The following CDK6 variants were observed in gnomAD, a reference collection of about 807,000 sequenced individuals.
CDK6 encodes cyclin-dependent kinase 6.
CDK6 carries 6 observed loss-of-function variants against 37.1 expected under a neutral mutation model. The observed-to-expected ratio is 0.16, with a 90% CI of 0.09 to 0.32. The LOEUF (loss-of-function observed/expected upper bound fraction) is 0.32. Among genes scored for constraint, CDK6 ranks in the 10% least tolerant of loss-of-function variants. The pLI is 1.00. For missense variants in CDK6, 224 were observed against 418.9 expected (o/e 0.53, Z 4.06); for synonymous variants, 160 against 161.3 (o/e 0.99, Z 0.06).
chr7:92,651,276 T>C, intron 5 of CDK6, among the ~76,000 whole-genome samples: 1 of 152,200 alleles, frequency 6.6e-6, no homozygotes, highest in Admixed American at 6.5e-5. Flanking sequence ...TTCATAACCT[T>C]AATTACATCC....
rs1158011467 is a variant in CDK6, at chr7:92,701,409, CT to C, written c.537+24216del. On this transcript the variant is annotated intron_variant, in intron 4 of 7. Transcript: ENST00000424848. ...GTTTGTGAAGTCTAAAGCTTACACA[CT>C]TTTTTTTTTTTTTGAGACGGAGTCT... Among the ~76,000 whole-genome samples the C allele has an allele frequency of 2.8e-3, 413 of 145,876 alleles. 1 individual carries two copies. The highest frequency in any genetic ancestry group is 7.2e-3 in the Middle Eastern group (2 of 278).
At chr7:92,728,326 C>G (rs750965396) in intron 3 of CDK6, among the ~76,000 whole-genome samples, 1 of 151,932 alleles carries the variant, frequency 6.6e-6, no homozygotes, top group South Asian at 2.1e-4. Flanking sequence ...TTAAAAATTA[C>G]GTATTTTATT....
At chr7:92,695,258 A>G (rs181626732) in intron 4 of CDK6, among the ~76,000 whole-genome samples, 1 of 150,762 alleles carries the variant, frequency 6.6e-6, no homozygotes, top group Non-Finnish European at 1.5e-5. Context: ...TTGGTGATTA[A>G]GGGACCCTGA....
At chr7:92,800,595 C>T (rs1218515440) in intron 2 of CDK6, among the ~76,000 whole-genome samples, 1 of 152,180 alleles carries the variant, frequency 6.6e-6, no homozygotes, top group Non-Finnish European at 1.5e-5. Flanking sequence ...TTAAGGAATA[C>T]ACAATCTGAC....
At chr7:92,801,229 CTT>C (rs1277496055) in intron 2 of CDK6, among the ~76,000 whole-genome samples, 1 of 151,986 alleles carries the variant, frequency 6.6e-6, no homozygotes, top group Non-Finnish European at 1.5e-5. Context: ...TTATTTCACT[CTT>C]TTTATTTTGA....
chr7:92,639,419 T>A (rs1244693889), intron 5 of CDK6, among the ~76,000 whole-genome samples: 6 of 152,188 alleles, frequency 3.9e-5, no homozygotes, highest in African/African-American at 1.4e-4. Flanking sequence ...CTGACAAAAA[T>A]AGTCTCAATT....
At chr7:92,634,304 C>G (rs982199773) in intron 5 of CDK6, among the ~76,000 whole-genome samples, 19 of 152,152 alleles carry the variant, frequency 1.2e-4, no homozygotes, top group African/African-American at 4.3e-4. Flanking sequence ...GTTCTGTCCT[C>G]CCAGATTTGT....
intron 4 of CDK6, among the ~76,000 whole-genome samples, chr7:92,724,688 G>A (rs1206097342): frequency 6.6e-6 from 1 of 152,068 alleles, no homozygotes; most frequent in South Asian, 2.1e-4. Context: ...TCCCTGATGT[G>A]AGAACCACTT....
chr7:92,791,636 T>C (rs1359227523), intron 2 of CDK6, among the ~76,000 whole-genome samples: 1 of 152,034 alleles, frequency 6.6e-6, no homozygotes, highest in Non-Finnish European at 1.5e-5. Context: ...GTATATATAT[T>C]AAGAATTGTA....
At chr7:92,682,956 C>T (rs1797369623) in intron 4 of CDK6, among the ~76,000 whole-genome samples, 1 of 152,186 alleles carries the variant, frequency 6.6e-6, no homozygotes, top group Non-Finnish European at 1.5e-5. Flanking sequence ...AAAATAGTTA[C>T]CACTTATTAA....
At chr7:92,832,336 G>A (rs1421860622) in intron 2 of CDK6, among the ~76,000 whole-genome samples, 1 of 152,100 alleles carries the variant, frequency 6.6e-6, no homozygotes, top group Non-Finnish European at 1.5e-5. Context: ...GAAAAGCATG[G>A]GCAGAACATT....
chr7:92,757,636 G>C (rs1234332165), intron 3 of CDK6, among the ~76,000 whole-genome samples: 1 of 152,118 alleles, frequency 6.6e-6, no homozygotes, highest in South Asian at 2.1e-4. Flanking sequence ...TGTCTTTATG[G>C]TAGAATGATT....
intron 6 of CDK6, among the ~76,000 whole-genome samples, chr7:92,622,440 A>G (rs1361853867): frequency 6.6e-6 from 1 of 152,218 alleles, no homozygotes; most frequent in East Asian, 1.9e-4. Context: ...ATAACTTTTT[A>G]AAGTGCTTAC....
chr7:92,784,479 CTT>C (rs1800073446), intron 2 of CDK6, among the ~76,000 whole-genome samples: 1 of 152,222 alleles, frequency 6.6e-6, no homozygotes. Context: ...CTGTTTACCT[CTT>C]GAGGTCTCCA....
chr7:92,784,892 T>C (rs147951704), intron 2 of CDK6, among the ~76,000 whole-genome samples: 1 of 152,340 alleles, frequency 6.6e-6, no homozygotes, highest in African/African-American at 2.4e-5. Flanking sequence ...TACTTCAAGA[T>C]GTCATTAGGA....
chr7:92,795,682 TTCTTCCAAGTCTAAA>T (rs970460077), intron 2 of CDK6, among the ~76,000 whole-genome samples: 6 of 152,140 alleles, frequency 3.9e-5, no homozygotes, highest in African/African-American at 1.2e-4. Context: ...GTCGTGCTAT[TTCTTCCAAGTCTAAA>T]TCTTCCAAGT....
In CDK6 at chr7:92,835,609, GCTTT is replaced by G. The variant is rs901594351; in HGVS notation, c.-368+865_-368+868del. On this transcript the variant is annotated intron_variant, in intron 1 of 7. Transcript: ENST00000424848. This position sits in a 1 kb window ranked among gnomAD's most constrained non-coding sequence, Gnocchi z 4.2. ...ACAAAGGCTGCAGCCGCCTCCTTCT[GCTTT>G]CTGTCTCTGCTCTCTGTCTTCACAC... Among the ~76,000 whole-genome samples the G allele has an allele frequency of 6.6e-6, 1 of 152,166 alleles. No homozygotes were observed. Among genetic ancestry groups the G allele is most frequent in the Non-Finnish European group, 1.5e-5 (1 of 68,036 alleles).
chr7:92,656,213 G>A (rs1237622016), intron 5 of CDK6, among the ~76,000 whole-genome samples: 1 of 152,166 alleles, frequency 6.6e-6, no homozygotes, highest in African/African-American at 2.4e-5. Context: ...TTTTATTTCT[G>A]TAAGAATATA....
At position 92,612,968 on chromosome 7, in the gene CDK6, C is replaced by CT. The variant is rs760363690; in HGVS notation, c.*2171dup. ...GCAGAACTCACTTTTCCATGTGAGA[C>CT]TTTGAGTAGACCTGACCTTGAATGC... On this transcript the variant is annotated 3_prime_UTR_variant, in exon 8 of 8. Transcript: ENST00000424848. 1.3e-5 allele frequency: 3 copies of CT among 232,964 alleles called. No individual in the cohort carries two copies. The highest frequency in any genetic ancestry group is 2.5e-5 in the Non-Finnish European group (3 of 117,970). 14.4% of individuals were successfully genotyped at this position (232,964 alleles called of 1,614,324 possible).
Sources: gnomAD v4.1 joint callset for allele counts (sites outside exome capture counted in the v4.1 genomes callset) on GRCh38, gnomAD v4.1.1 for gene constraint, Gnocchi (gnomAD v3.1) non-coding constraint, MANE v1.5 for transcripts, NCBI Gene and HGNC (gene_info 2026-07-23, HGNC 2026-07-21) for gene names.